Variants in NTNG1 observed in about 807,000 individuals in gnomAD.
The protein encoded by NTNG1 is netrin G1, also known as netrin-G1.
NTNG1 carries 16 observed loss-of-function variants against 54.0 expected under a neutral mutation model. The observed-to-expected ratio is 0.30, with a 90% CI of 0.20 to 0.45. The LOEUF (loss-of-function observed/expected upper bound fraction) is 0.45, where lower values mean the gene tolerates loss of function less well. Among genes scored for constraint, NTNG1 ranks in the 20% least tolerant of loss-of-function variants. NTNG1 has a pLI of 1.00. For missense variants in NTNG1, 530 were observed against 678.7 expected (o/e 0.78, Z 2.43); for synonymous variants, 255 against 263.1 (o/e 0.97, Z 0.30).
At chr1:107,442,779 T>C (rs1365473289) in intron 7 of NTNG1, among the ~76,000 whole-genome samples, 1 of 151,442 alleles carries the variant, frequency 6.6e-6, no homozygotes, top group African/African-American at 2.4e-5. Context: ...TGTAAGAGAG[T>C]CCCTTCTTTG....
intron 3 of NTNG1, among the ~76,000 whole-genome samples, chr1:107,382,391 A>C (rs2101037714): frequency 6.6e-6 from 1 of 152,182 alleles, no homozygotes; most frequent in East Asian, 1.9e-4. Context: ...TTGACTCTAA[A>C]AATGTGACAT....
At chr1:107,196,543 TCTG>T (rs1557800397) in intron 2 of NTNG1, among the ~76,000 whole-genome samples, 2 of 151,994 alleles carry the variant, frequency 1.3e-5, no homozygotes, top group Non-Finnish European at 2.9e-5. Context: ...GGTCCTGTCT[TCTG>T]TTTAATTCTG....
chr1:107,427,035 T>C (rs191567372), intron 5 of NTNG1, among the ~76,000 whole-genome samples: 2 of 152,264 alleles, frequency 1.3e-5, no homozygotes, highest in African/African-American at 2.4e-5. Flanking sequence ...TGATTTTGTA[T>C]CCTGAGACTT....
intron 2 of NTNG1, among the ~76,000 whole-genome samples, chr1:107,316,927 C>T (rs1667369201): frequency 6.6e-6 from 1 of 152,134 alleles, no homozygotes; most frequent in African/African-American, 2.4e-5. Context: ...CAGGATAGAC[C>T]TGCAAGAAGC....
intron 2 of NTNG1, among the ~76,000 whole-genome samples, chr1:107,307,029 G>A (rs555696942): frequency 6.6e-6 from 1 of 152,284 alleles, no homozygotes; most frequent in Non-Finnish European, 1.5e-5. Flanking sequence ...TTCTGTGTTA[G>A]CTGGCAAGGC....
At chr1:107,270,713 C>T (rs1309260923) in intron 2 of NTNG1, among the ~76,000 whole-genome samples, 3 of 133,528 alleles carry the variant, frequency 2.2e-5, no homozygotes, top group Non-Finnish European at 4.9e-5. Context: ...CCCCCGCCCC[C>T]GCCCCCCCAC....
At chr1:107,472,758 G>A (rs552745161) in intron 7 of NTNG1, among the ~76,000 whole-genome samples, 6 of 152,020 alleles carry the variant, frequency 3.9e-5, no homozygotes, top group African/African-American at 1.4e-4. Context: ...TTTGTGGGGC[G>A]GGGATGGATT....
intron 2 of NTNG1, among the ~76,000 whole-genome samples, chr1:107,173,398 T>C (rs554575566): frequency 2.0e-5 from 3 of 152,280 alleles, no homozygotes; most frequent in East Asian, 3.9e-4. Flanking sequence ...CCTTCAGTAA[T>C]AGACAAATTG....
Position 107,212,716 on chromosome 1 carries a change from G to A in NTNG1, c.246+63877G>A, listed in dbSNP as rs75996865. Among the ~76,000 whole-genome samples the A allele has an allele frequency of 8.0e-3, 1,211 of 152,202 alleles. 15 individuals are homozygous for A. The highest frequency in any genetic ancestry group is 0.028 in the African/African-American group (1,154 of 41,558). Reference sequence around the variant, plus strand: ...GAACTTACTGAAGAAAACTTCAACTGTGTATGACTTCAATCCAAAATATAC... The same window carrying A: ...GAACTTACTGAAGAAAACTTCAACTATGTATGACTTCAATCCAAAATATAC... On this transcript the variant is annotated intron_variant, in intron 2 of 7. Transcript: ENST00000370068.
intron 2 of NTNG1, among the ~76,000 whole-genome samples, chr1:107,304,631 A>T (rs977050926): frequency 1.3e-5 from 2 of 152,018 alleles, no homozygotes; most frequent in Non-Finnish European, 2.9e-5. Flanking sequence ...CATCCAGTTG[A>T]TATTAATTTT....
chr1:107,203,590 GTA>G lies in NTNG1; in HGVS notation c.246+54760_246+54761del, dbSNP rs968255822. On this transcript the variant is annotated intron_variant, in intron 2 of 7. Coordinates refer to ENST00000370068, the MANE Select transcript of NTNG1 (RefSeq NM_001113226.3). ...ATATAGTTACTGTGTGTGTGTGTGTGTATATATATACACATATATATAGCTAT... is the reference window on the plus strand; with the variant it reads ...ATATAGTTACTGTGTGTGTGTGTGTGTATATATACACATATATATAGCTAT... Among the ~76,000 whole-genome samples the G allele has an allele frequency of 1.6e-3, 181 of 110,156 alleles. 1 individual carries two copies. The highest frequency in any genetic ancestry group is 3.7e-3 in the African/African-American group (130 of 34,788). 72.3% of individuals were successfully genotyped at this position (110,156 alleles called of 152,430 possible).
intron 2 of NTNG1, among the ~76,000 whole-genome samples, chr1:107,316,746 T>C (rs923853421): frequency 6.6e-6 from 1 of 152,168 alleles, no homozygotes; most frequent in Admixed American, 6.6e-5. Context: ...AGCAACCCAT[T>C]TGAGAAACAG....
At position 107,375,604 on chromosome 1, in the gene NTNG1, G is replaced by A. The variant is rs149827472; in HGVS notation, c.888-19550G>A. On this transcript the variant is annotated intron_variant, in intron 3 of 7. Transcript: ENST00000370068. ...TAAAGTGCCCTTATTGGATATGAAA[G>A]TTATATATTATTATGTTTTAGTCAA... Among the ~76,000 whole-genome samples, 207 of 152,272 alleles carry A rather than the reference G, an allele frequency of 1.4e-3. 1 individual carries two copies. Among genetic ancestry groups the A allele is most frequent in the African/African-American group, 4.7e-3 (195 of 41,546 alleles).
rs1654308940 is a variant in NTNG1, at chr1:107,148,523, A to T, written c.-71A>T. ...CATACATATGTGTATATATATGTAA[A>T]CTAGACAAAGATCGCAGATCATAAA... On this transcript the variant is annotated 5_prime_UTR_variant, in exon 2 of 8. Coordinates refer to ENST00000370068, the MANE Select transcript of NTNG1 (RefSeq NM_001113226.3). 1 of 1,475,294 alleles carries T rather than the reference A, an allele frequency of 6.8e-7. No individual in the cohort carries two copies. The highest frequency in any genetic ancestry group is 2.3e-5 in the East Asian group (1 of 44,120). 91.4% of individuals were successfully genotyped at this position (1,475,294 alleles called of 1,614,324 possible).
chr1:107,356,704 G>T lies in NTNG1; in HGVS notation c.887+31782G>T, dbSNP rs578202677. ...TAGAAGAAACGTATTGTATCCTTTG[G>T]GTATAGGAATTAAAGACCAATCTGG... On this transcript the variant is annotated intron_variant, in intron 3 of 7. Coordinates refer to ENST00000370068, the MANE Select transcript of NTNG1 (RefSeq NM_001113226.3). Among the ~76,000 whole-genome samples, 210 of 151,194 alleles carry T rather than the reference G, an allele frequency of 1.4e-3. 2 individuals carry two copies. The highest frequency in any genetic ancestry group is 4.8e-3 in the African/African-American group (197 of 41,332).
At chr1:107,285,727 A>G (rs1055994668) in intron 2 of NTNG1, among the ~76,000 whole-genome samples, 2 of 152,154 alleles carry the variant, frequency 1.3e-5, no homozygotes, top group African/African-American at 4.8e-5. Context: ...ATGATCAACC[A>G]TAAAATTGCA....
chr1:107,332,036 A>G (rs1274155574), intron 3 of NTNG1, among the ~76,000 whole-genome samples: 1 of 152,122 alleles, frequency 6.6e-6, no homozygotes, highest in Non-Finnish European at 1.5e-5. Context: ...CAGTGGAAAC[A>G]TTTAGAATAA....
chr1:107,477,689 T>A (rs959275469), intron 7 of NTNG1, among the ~76,000 whole-genome samples: 1 of 149,386 alleles, frequency 6.7e-6, no homozygotes, highest in Non-Finnish European at 1.5e-5. Context: ...TACTATCATG[T>A]GAGTTTCCCC....
chr1:107,153,142 G>A (rs1255841375), intron 2 of NTNG1, among the ~76,000 whole-genome samples: 5 of 152,194 alleles, frequency 3.3e-5, no homozygotes, highest in African/African-American at 1.2e-4. Context: ...ATTTACGGAA[G>A]TGGTACAAAG....
Sources: gnomAD v4.1 joint callset for allele counts (sites outside exome capture counted in the v4.1 genomes callset) on GRCh38, gnomAD v4.1.1 for gene constraint, MANE v1.5 for transcripts, NCBI Gene and HGNC (gene_info 2026-07-23, HGNC 2026-07-21) for gene names.